The following PARN variants were observed in gnomAD, a reference collection of about 807,000 sequenced individuals.
The protein encoded by PARN is poly(A)-specific ribonuclease PARN.
PARN carries 71 observed loss-of-function variants against 102.8 expected under a neutral mutation model. That is an observed-to-expected ratio of 0.69 (90% CI 0.57 to 0.84). The LOEUF is 0.84. PARN is among the 40% of genes least tolerant of loss of function. PARN has a pLI of 0.00. For missense variants in PARN, 782 were observed against 760.9 expected, an observed-to-expected ratio of 1.03 and a Z score of -0.33; for synonymous variants, 261 against 252.9, an observed-to-expected ratio of 1.03 and a Z score of -0.30.
intron 21 of PARN, among the ~76,000 whole-genome samples, chr16:14,519,669 A>C (rs1213201302): frequency 1.3e-5 from 2 of 152,190 alleles, no homozygotes; most frequent in Non-Finnish European, 2.9e-5. Flanking sequence ...TGACTAAATC[A>C]TATTATAGAT....
intron 21 of PARN, among the ~76,000 whole-genome samples, chr16:14,526,912 C>A (rs150678283): frequency 6.6e-6 from 1 of 152,252 alleles, no homozygotes; most frequent in Non-Finnish European, 1.5e-5. Context: ...GAGTACCTCT[C>A]CTTTAAAAGC....
intron 21 of PARN, among the ~76,000 whole-genome samples, chr16:14,519,613 G>T (rs905432995): frequency 2.0e-5 from 3 of 152,082 alleles, no homozygotes; most frequent in Non-Finnish European, 4.4e-5. Context: ...GTTCTGATTT[G>T]CAACACTGGG....
intron 22 of PARN, among the ~76,000 whole-genome samples, chr16:14,470,846 G>A (rs544101332): frequency 4.7e-5 from 7 of 148,324 alleles, no homozygotes; most frequent in African/African-American, 7.5e-5. Context: ...GCATAATCAC[G>A]GCTCATCACT....
intron 22 of PARN, among the ~76,000 whole-genome samples, chr16:14,450,352 A>G (rs1421782743): frequency 6.6e-6 from 1 of 152,202 alleles, no homozygotes; most frequent in Non-Finnish European, 1.5e-5. Context: ...GCATGATAGC[A>G]CTGGGTAAAT....
chr16:14,618,653 T>A, intron 5 of PARN, among the ~76,000 whole-genome samples: 1 of 143,166 alleles, frequency 7.0e-6, no homozygotes, highest in African/African-American at 2.6e-5. Context: ...AGCAAGACTG[T>A]CTCAAAAAAA....
chr16:14,479,330 G>C lies in PARN; in HGVS notation c.1670+3308C>G, dbSNP rs566304699. ...CCAGCTATTTGGGTGGCTGAGGCAG[G>C]AGACTCCTAGGGCCCAAGAGGTCAA... is the stretch of plus-strand genomic sequence containing the variant. On this transcript the variant is annotated intron_variant, in intron 22 of 23. Coordinates refer to ENST00000437198, the MANE Select transcript of PARN (RefSeq NM_002582.4). Among the ~76,000 whole-genome samples the C allele has an allele frequency of 7.2e-5, 11 of 151,946 alleles. No individual in the cohort carries two copies. The East Asian group carries it at 1.4e-3, about 19-fold the overall frequency.
intron 18 of PARN, among the ~76,000 whole-genome samples, chr16:14,559,237 T>TA (rs557183884): frequency 8.6e-5 from 13 of 151,812 alleles, no homozygotes; most frequent in Non-Finnish European, 1.8e-4. Flanking sequence ...GTTTTTTTTT[T>TA]ATTTCTTTAT....
At chr16:14,478,978 C>T (rs898213047) in intron 22 of PARN, among the ~76,000 whole-genome samples, 5 of 152,172 alleles carry the variant, frequency 3.3e-5, no homozygotes, top group African/African-American at 1.2e-4. Context: ...AGTGTTTGGC[C>T]AGGCTGGTCT....
chr16:14,553,171 A>C (rs1967429600), intron 20 of PARN, among the ~76,000 whole-genome samples: 1 of 149,534 alleles, frequency 6.7e-6, no homozygotes, highest in Non-Finnish European at 1.5e-5. Context: ...TAATCCCAGC[A>C]CTTTGAGAGT....
At chr16:14,550,291 G>A (rs889334349) in intron 21 of PARN, among the ~76,000 whole-genome samples, 7 of 151,856 alleles carry the variant, frequency 4.6e-5, no homozygotes, top group African/African-American at 1.7e-4. Flanking sequence ...TATTTAACAA[G>A]CAACATCAAT....
At chr16:14,554,533 C>T (rs1967538871) in intron 19 of PARN, among the ~76,000 whole-genome samples, 1 of 151,768 alleles carries the variant, frequency 6.6e-6, no homozygotes, top group African/African-American at 2.4e-5. Flanking sequence ...TGGGTTCAAG[C>T]GATCCTCCCA....
chr16:14,477,829 A>AGGAAGGGAAG (rs927602090), intron 22 of PARN, among the ~76,000 whole-genome samples: 1 of 151,912 alleles, frequency 6.6e-6, no homozygotes, highest in East Asian at 1.9e-4. Flanking sequence ...GAGAAGGGAA[A>AGGAAGGGAAG]GGAAGGGAAG....
intron 22 of PARN, among the ~76,000 whole-genome samples, chr16:14,479,678 G>A (rs1397649289): frequency 6.6e-6 from 1 of 152,036 alleles, no homozygotes; most frequent in Non-Finnish European, 1.5e-5. Context: ...ATAACTGACT[G>A]GAAGTGAAGA....
intron 22 of PARN, among the ~76,000 whole-genome samples, chr16:14,475,223 A>T (rs1299732794): frequency 1.3e-5 from 2 of 152,258 alleles, no homozygotes; most frequent in African/African-American, 4.8e-5. Context: ...GGCTTTAGAA[A>T]ATCATTCCCT....
intron 22 of PARN, among the ~76,000 whole-genome samples, chr16:14,477,131 G>A (rs537854491): frequency 1.3e-5 from 2 of 152,088 alleles, no homozygotes; most frequent in South Asian, 2.1e-4. Flanking sequence ...AAAAATATAC[G>A]ATGCAAACGC....
chr16:14,447,145 A>C, intron 22 of PARN, 64 bp from the exon 23 acceptor site: 1 of 1,090,110 alleles, frequency 9.2e-7, no homozygotes, highest in Non-Finnish European at 1.3e-6. Flanking sequence ...TAGTCTATAA[A>C]AATATTTTAA....
At chr16:14,629,281 T>C (rs887902846) in intron 2 of PARN, among the ~76,000 whole-genome samples, 2 of 152,206 alleles carry the variant, frequency 1.3e-5, no homozygotes, top group African/African-American at 2.4e-5. Context: ...GTTATACCTA[T>C]TTTACAATCA....
intron 21 of PARN, among the ~76,000 whole-genome samples, chr16:14,513,072 G>A (rs1010814003): frequency 3.3e-5 from 5 of 152,002 alleles, no homozygotes; most frequent in African/African-American, 4.8e-5. Context: ...TTACAGGTGC[G>A]TGCCACCACA....
chr16:14,563,190 A>G (rs1968183407), intron 18 of PARN, among the ~76,000 whole-genome samples: 3 of 152,232 alleles, frequency 2.0e-5, no homozygotes, highest in Admixed American at 2.0e-4. Context: ...TGATTCACAA[A>G]GGAAAGGAAA....
Sources: allele counts gnomAD v4.1 joint callset (sites outside exome capture counted in the v4.1 genomes callset), GRCh38; gene constraint gnomAD v4.1.1; transcripts MANE v1.5; gene names NCBI Gene and HGNC (gene_info 2026-07-23, HGNC 2026-07-21).